CCDC60: variants seen among roughly 807,000 people sequenced by gnomAD.
The protein encoded by CCDC60 is coiled-coil domain-containing protein 60.
In CCDC60, 54 loss-of-function variants were observed where a neutral mutation model predicts 63.5. The ratio of observed to expected loss-of-function variants is 0.85; its 90% CI spans 0.68 to 1.07. The LOEUF is 1.07. Ranked by LOEUF, CCDC60 falls within the 50% of genes least tolerant of loss-of-function variation. CCDC60 has a pLI of 0.00. For synonymous variants in CCDC60, 206 were observed against 238.8 expected (o/e 0.86, Z 1.27); for missense variants, 651 against 684.3 (o/e 0.95, Z 0.54).
At chr12:119,436,916 G>C (rs1035737813) in intron 2 of CCDC60, among the ~76,000 whole-genome samples, 2 of 152,172 alleles carry the variant, frequency 1.3e-5, no homozygotes, top group Non-Finnish European at 2.9e-5. Context: ...TCTTCTCTCT[G>C]TGAATTTCTG....
At chr12:119,449,527 GTGCCATTATTACA>G (rs1351232483) in intron 2 of CCDC60, among the ~76,000 whole-genome samples, 1 of 152,218 alleles carries the variant, frequency 6.6e-6, no homozygotes, top group East Asian at 1.9e-4. Flanking sequence ...GTGTAAGAAG[GTGCCATTATTACA>G]TGCCAAAAAA....
At chr12:119,502,939 C>T (rs1169380391) in intron 6 of CCDC60, among the ~76,000 whole-genome samples, 3 of 152,110 alleles carry the variant, frequency 2.0e-5, no homozygotes, top group South Asian at 2.1e-4. Context: ...GAGACCAAGG[C>T]GGGCAGATTG....
intron 1 of CCDC60, among the ~76,000 whole-genome samples, chr12:119,354,898 C>G (rs1955700488): frequency 6.6e-6 from 1 of 152,142 alleles, no homozygotes; most frequent in South Asian, 2.1e-4. Flanking sequence ...AATAGATTCT[C>G]CCAGTTCTGA....
chr12:119,336,303 C>A (rs1308811893), intron 1 of CCDC60, among the ~76,000 whole-genome samples: 2 of 152,106 alleles, frequency 1.3e-5, no homozygotes, highest in African/African-American at 4.8e-5. Flanking sequence ...AGAGGAGAGT[C>A]ATGGTGTGAT....
chr12:119,506,730 C>A (rs573218356), intron 7 of CCDC60, among the ~76,000 whole-genome samples: 1 of 152,210 alleles, frequency 6.6e-6, no homozygotes, highest in Non-Finnish European at 1.5e-5. Flanking sequence ...CACATATACA[C>A]AATTTTGCAC....
At chr12:119,453,374 TAAGAA>T (rs1039681577) in intron 2 of CCDC60, among the ~76,000 whole-genome samples, 13 of 152,190 alleles carry the variant, frequency 8.5e-5, no homozygotes, top group African/African-American at 2.7e-4. Context: ...AAAGAAGAAT[TAAGAA>T]AAGAAAACCA....
At chr12:119,378,541 T>C (rs888911616) in intron 1 of CCDC60, among the ~76,000 whole-genome samples, 2 of 152,144 alleles carry the variant, frequency 1.3e-5, no homozygotes, top group African/African-American at 4.8e-5. Flanking sequence ...GCCAGTGTAA[T>C]TGGTTCCATT....
intron 3 of CCDC60, among the ~76,000 whole-genome samples, chr12:119,478,153 A>C (rs1346574985): frequency 6.6e-6 from 1 of 152,082 alleles, no homozygotes; most frequent in Admixed American, 6.5e-5. Context: ...ATCTCTACTT[A>C]AAATACAAAA....
At chr12:119,353,093 C>T (rs954343208) in intron 1 of CCDC60, among the ~76,000 whole-genome samples, 4 of 151,954 alleles carry the variant, frequency 2.6e-5, no homozygotes, top group Non-Finnish European at 5.9e-5. Context: ...GGGGTTATGA[C>T]ACTGTTCACC....
rs1395589787 is a variant in CCDC60, at chr12:119,466,575, C to T, written c.171-5419C>T. ...ACCCACCACACCATTCCCTTCTGCC[C>T]TATATCTGGGCAAGTTGATAAGAAA... On this transcript the variant is annotated intron_variant, in intron 2 of 13. Transcript: ENST00000327554. 2.0e-5 allele frequency among the ~76,000 whole-genome samples: 3 copies of T among 152,186 alleles called. No individual in the cohort carries two copies. The East Asian group carries it at 5.8e-4, about 29-fold the overall frequency.
At chr12:119,356,149 T>C (rs1279042909) in intron 1 of CCDC60, among the ~76,000 whole-genome samples, 1 of 152,188 alleles carries the variant, frequency 6.6e-6, no homozygotes, top group Non-Finnish European at 1.5e-5. Flanking sequence ...ATTTAAAATG[T>C]ATTGTTCTTT....
intron 1 of CCDC60, among the ~76,000 whole-genome samples, chr12:119,360,971 C>CA (rs1474173438): frequency 2.0e-5 from 3 of 151,972 alleles, no homozygotes; most frequent in African/African-American, 2.4e-5. Context: ...CCGTCTCCAC[C>CA]AAAAAAATAC....
In CCDC60 at chr12:119,477,783, T is replaced by C. The variant is rs755607387; in HGVS notation, c.342-1311T>C. Among the ~76,000 whole-genome samples, 4 of 152,230 alleles carry C rather than the reference T, an allele frequency of 2.6e-5. No individual in the cohort carries two copies. The East Asian group carries it at 7.7e-4, about 29-fold the overall frequency. ...AAAGCAGTCTGTGGCCCATCATTCT[T>C]GTGTAGAAACACAGGTCCCGAGTGG... On this transcript the variant is annotated intron_variant, in intron 3 of 13. Transcript: ENST00000327554.
intron 1 of CCDC60, among the ~76,000 whole-genome samples, chr12:119,373,712 C>A (rs1035088064): frequency 6.7e-6 from 1 of 149,908 alleles, no homozygotes; most frequent in Non-Finnish European, 1.5e-5. Flanking sequence ...AGATGGGGGG[C>A]GTCCCCCTTC....
intron 1 of CCDC60, among the ~76,000 whole-genome samples, chr12:119,376,392 C>T (rs1192078842): frequency 6.6e-6 from 1 of 152,152 alleles, no homozygotes. Context: ...CTTTGGGAAG[C>T]TGAGGCGGGC....
intron 2 of CCDC60, among the ~76,000 whole-genome samples, chr12:119,437,632 T>C (rs1950351598): frequency 6.6e-6 from 1 of 152,186 alleles, no homozygotes; most frequent in South Asian, 2.1e-4. Context: ...ATCTCAGGCA[T>C]TTACTGACCG....
chr12:119,406,176 A>AATATAT, intron 1 of CCDC60, among the ~76,000 whole-genome samples: 1 of 143,830 alleles, frequency 7.0e-6, no homozygotes, highest in South Asian at 2.2e-4. Flanking sequence ...TGTCTCAAAA[A>AATATAT]ATATATATAT....
intron 8 of CCDC60, among the ~76,000 whole-genome samples, chr12:119,519,915 C>A (rs183462875): frequency 2.0e-5 from 3 of 151,760 alleles, no homozygotes; most frequent in Admixed American, 2.0e-4. Flanking sequence ...CTTCTGGGGC[C>A]CCCCTCCAGG....
At chr12:119,399,621 G>A (rs972271352) in intron 1 of CCDC60, among the ~76,000 whole-genome samples, 1 of 152,124 alleles carries the variant, frequency 6.6e-6, no homozygotes, top group Non-Finnish European at 1.5e-5. Flanking sequence ...CAGAGCCAAA[G>A]ATCAAAGCCT....
Sources: gnomAD v4.1 joint callset for allele counts (sites outside exome capture counted in the v4.1 genomes callset) on GRCh38, gnomAD v4.1.1 for gene constraint, MANE v1.5 for transcripts, NCBI Gene and HGNC (gene_info 2026-07-23, HGNC 2026-07-21) for gene names.